SIPA1L3: variants seen among roughly 807,000 people sequenced by gnomAD.
SIPA1L3 encodes signal induced proliferation associated 1 like 3.
A neutral mutation model predicts 150.1 loss-of-function variants in SIPA1L3; 59 were observed. That is an observed-to-expected ratio of 0.39 (90% CI 0.32 to 0.49). SIPA1L3 has a LOEUF of 0.49. Ranked by LOEUF, SIPA1L3 falls within the 20% of genes least tolerant of loss-of-function variation. The pLI, the probability that SIPA1L3 is intolerant of heterozygous loss-of-function variation, is 0.86. For missense variants in SIPA1L3, 2,211 were observed against 2,489.5 expected, an observed-to-expected ratio of 0.89 and a Z score of 2.38; for synonymous variants, 1,070 against 1,077.6, an observed-to-expected ratio of 0.99 and a Z score of 0.14.
rs555547938 is a variant in SIPA1L3, at chr19:38,082,633, C to T, written c.1068C>T (p.Ala356=). The T allele has an allele frequency of 7.5e-6, 12 of 1,605,748 alleles. No individual in the cohort carries two copies. In the East Asian group the frequency reaches 8.9e-5, roughly 12 times the overall value. ...QSMLFDLNEA[A]ANRVSVSQRR... The stretch of plus-strand genomic sequence containing the variant: ...TGCTGTTCGACCTCAACGAGGCGGC[C>T]GCCAACAGGGTGTCGGTGTCGCAGC... Residue 356 remains alanine (A), a synonymous_variant, in exon 3 of 22, where the codon GCC becomes GCT. Transcript: ENST00000222345.
chr19:38,070,431 C>T (rs527892534), intron 2 of SIPA1L3, among the ~76,000 whole-genome samples: 24 of 152,194 alleles, frequency 1.6e-4, no homozygotes, highest in South Asian at 4.2e-4. Flanking sequence ...ATTTCTCTGG[C>T]GTTTCTCTAC....
chr19:38,120,298 CAA>C (rs10707316), intron 9 of SIPA1L3, among the ~76,000 whole-genome samples: 185 of 135,552 alleles, frequency 1.4e-3, no homozygotes, highest in Admixed American at 2.4e-3. Context: ...ACTCTGCCTA[CAA>C]AAAAAAAAAA....
Position 38,082,926 on chromosome 19 carries a change from G to T in SIPA1L3, c.1361G>T (p.Ser454Ile). 1 of 1,613,146 alleles carries T rather than the reference G, an allele frequency of 6.2e-7. No homozygotes were observed. The highest frequency in any genetic ancestry group is 8.5e-7 in the Non-Finnish European group (1 of 1,179,904). ...FSRASVGSPS[S>I]GEGHLAEPAL... is the part of the protein sequence containing the mutation. ...CGGGCTTCCGTGGGCTCCCCGAGCAGCGGCGAGGGCCACCTGGCAGAGCCC... is the reference window on the plus strand; with the variant it reads ...CGGGCTTCCGTGGGCTCCCCGAGCATCGGCGAGGGCCACCTGGCAGAGCCC... Residue 454 changes from serine (S) to isoleucine (I), a missense_variant, in exon 3 of 22, where the codon AGC becomes ATC. Ser to Ile is a moderately radical substitution (Grantham distance 142). This residue lies in a region of SIPA1L3 where 587 missense variants were observed against 534.5 expected (regional missense o/e 1.10). Transcript: ENST00000222345.
chr19:38,163,287 C>T (rs984447544), intron 14 of SIPA1L3, among the ~76,000 whole-genome samples: 13 of 152,010 alleles, frequency 8.6e-5, no homozygotes, highest in African/African-American at 2.9e-4. Context: ...GTCAGGAGTT[C>T]GAGACCAGCC....
rs915833791 is a variant in SIPA1L3, at chr19:38,124,556, G to A, written c.2868+4674G>A. Among the ~76,000 whole-genome samples, 34 of 150,902 alleles carry A rather than the reference G, an allele frequency of 2.3e-4. 1 individual carries two copies. The highest frequency in any genetic ancestry group is 2.2e-3 in the Admixed American group (33 of 15,156). Reference sequence around the variant, plus strand: ...CAGAGGGGCTCCTCACGTCCCAGACGATGGGCGGCCAGGCAGAGACGCTCC... The same window carrying A: ...CAGAGGGGCTCCTCACGTCCCAGACAATGGGCGGCCAGGCAGAGACGCTCC... On this transcript the variant is annotated intron_variant, in intron 9 of 21. Coordinates refer to ENST00000222345, the MANE Select transcript of SIPA1L3 (RefSeq NM_015073.3).
intron 18 of SIPA1L3, among the ~76,000 whole-genome samples, chr19:38,194,292 C>G (rs1972872409): frequency 6.6e-6 from 1 of 152,120 alleles, no homozygotes; most frequent in Non-Finnish European, 1.5e-5. Context: ...CGCACACCAC[C>G]CGCATCAAAA....
intron 1 of SIPA1L3, among the ~76,000 whole-genome samples, chr19:37,973,005 A>G (rs750338219): frequency 4.2e-4 from 64 of 152,050 alleles, no homozygotes; most frequent in Non-Finnish European, 9.0e-4. Flanking sequence ...GAGGCTGGGA[A>G]ATGTAGTCCT....
chr19:37,998,452 A>G (rs940968997), intron 1 of SIPA1L3, among the ~76,000 whole-genome samples: 1 of 152,202 alleles, frequency 6.6e-6, no homozygotes, highest in African/African-American at 2.4e-5. Context: ...ACCGAAACGC[A>G]TAAAGTTGAA....
At chr19:38,023,988 G>C (rs2145706283) in intron 1 of SIPA1L3, among the ~76,000 whole-genome samples, 1 of 152,244 alleles carries the variant, frequency 6.6e-6, no homozygotes, top group South Asian at 2.1e-4. Context: ...TGGCCGGTTA[G>C]ATTGGCCAGC....
At position 38,082,624 on chromosome 19, in the gene SIPA1L3, C is replaced by T; in HGVS notation, c.1059C>T (p.Asn353=). Residue 353 remains asparagine, a synonymous_variant, in exon 3 of 22, where the codon AAC becomes AAT. Transcript: ENST00000222345. ...TGCAGAGCATGCTGTTCGACCTCAA[C>T]GAGGCGGCCGCCAACAGGGTGTCGG... ...FDVQSMLFDL[N]EAAANRVSVS... 3 of 1,605,022 alleles carry T rather than the reference C, an allele frequency of 1.9e-6. No homozygotes were observed. Among genetic ancestry groups the T allele is most frequent in the Middle Eastern group, 1.6e-4 (1 of 6,062 alleles).
intron 10 of SIPA1L3, among the ~76,000 whole-genome samples, chr19:38,140,622 A>G (rs73627606): frequency 0.068 from 10,263 of 151,884 alleles, 1,030 homozygotes; most frequent in African/African-American, 0.21. Flanking sequence ...GGGAACAGAG[A>G]ATTCGAGTGG....
At chr19:38,113,462 TAAA>T (rs1970812864) in intron 8 of SIPA1L3, among the ~76,000 whole-genome samples, 1 of 151,932 alleles carries the variant, frequency 6.6e-6, no homozygotes, top group Admixed American at 6.6e-5. Context: ...ACCCTATCTC[TAAA>T]AAAACAATTT....
At chr19:38,173,936 G>T (rs1276404219) in intron 15 of SIPA1L3, among the ~76,000 whole-genome samples, 2 of 150,032 alleles carry the variant, frequency 1.3e-5, no homozygotes, top group Non-Finnish European at 3.0e-5. Context: ...GAGAGGGAGT[G>T]TGGAGGAGCT....
rs147007277 is a variant in SIPA1L3 at position 38,126,639 on chromosome 19, C to T, written c.2869-3859C>T. Among the ~76,000 whole-genome samples the T allele has an allele frequency of 9.9e-3, 1,507 of 151,862 alleles. 16 individuals are homozygous for T. Among genetic ancestry groups the T allele is most frequent in the African/African-American group, 0.034 (1,409 of 41,408 alleles). On this transcript the variant is annotated intron_variant, in intron 9 of 21. Transcript: ENST00000222345. The stretch of plus-strand genomic sequence containing the variant: ...GCAACCTCCGCCTCCCCGGTTCAAG[C>T]GATTCTCCTGCCTCAGCCTCCCAAG...
Position 38,119,331 on chromosome 19 carries a change from G to A in SIPA1L3, c.2317G>A (p.Ala773Thr), listed in dbSNP as rs763529744. The change falls in exon 9 of 22, where the codon GCT becomes ACT. Residue 773 changes from alanine to threonine, a missense_variant. Ala to Thr is a moderately conservative substitution (Grantham distance 58, BLOSUM62 0). Transcript: ENST00000222345. Reference protein sequence around the residue: ...YSMAVTRSKDAPPFGPPIPSG... With the variant: ...YSMAVTRSKDTPPFGPPIPSG... ...TATGGCTGTGACCCGATCCAAAGAC[G>A]CTCCTCCTTTCGGCCCCCCCATCCC... 21 of 1,613,752 alleles carry A rather than the reference G, an allele frequency of 1.3e-5. No individual in the cohort carries two copies. Among genetic ancestry groups the A allele is most frequent in the Non-Finnish European group, 1.8e-5 (21 of 1,179,946 alleles).
At chr19:38,115,651 C>T (rs1706818074) in intron 8 of SIPA1L3, among the ~76,000 whole-genome samples, 1 of 152,146 alleles carries the variant, frequency 6.6e-6, no homozygotes, top group African/African-American at 2.4e-5. Flanking sequence ...ACCTGTGCTG[C>T]ACCCCCTGGC....
At chr19:38,205,229 G>A (rs932027083) in intron 21 of SIPA1L3, among the ~76,000 whole-genome samples, 1 of 151,986 alleles carries the variant, frequency 6.6e-6, no homozygotes, top group Non-Finnish European at 1.5e-5. Flanking sequence ...AGCACTTTGG[G>A]AGGCCGAGGT....
At chr19:37,998,224 C>T (rs773775878) in intron 1 of SIPA1L3, among the ~76,000 whole-genome samples, 3 of 152,162 alleles carry the variant, frequency 2.0e-5, no homozygotes, top group African/African-American at 4.8e-5. Context: ...GGATTTGTAT[C>T]GCCTAGAGTC....
chr19:38,071,268 C>G (rs867692046), intron 2 of SIPA1L3, among the ~76,000 whole-genome samples: 1 of 145,678 alleles, frequency 6.9e-6, no homozygotes, highest in African/African-American at 2.5e-5. Context: ...TATCTATCTG[C>G]CTGCCTACCC....
Sources: gnomAD v4.1 joint callset for allele counts (sites outside exome capture counted in the v4.1 genomes callset) on GRCh38, gnomAD v4.1.1 for gene constraint, gnomAD v4.1.1 regional missense constraint, MANE v1.5 for transcripts, NCBI Gene and HGNC (gene_info 2026-07-23, HGNC 2026-07-21) for gene names.